BSDC1: variants seen among roughly 807,000 people sequenced by gnomAD.
The protein encoded by BSDC1 is BSD domain containing 1, also known as BSD domain-containing protein 1.
BSDC1 carries 29 observed loss-of-function variants against 56.0 expected under a neutral mutation model. That is an observed-to-expected ratio of 0.52 (90% CI 0.39 to 0.71). The LOEUF is 0.71. Ranked by LOEUF, BSDC1 falls within the 30% of genes least tolerant of loss-of-function variation. The pLI is 0.00. For missense variants in BSDC1, 477 were observed against 548.5 expected (o/e 0.87, Z 1.30); for synonymous variants, 210 against 215.3 (o/e 0.98, Z 0.21).
chr1:32,384,089 T>C, intron 3 of BSDC1, 92 bp from the exon 4 acceptor site: 1 of 1,572,100 alleles, frequency 6.4e-7, no homozygotes, highest in Non-Finnish European at 8.7e-7. Context: ...AGGTGTACCG[T>C]GTGTTGGGGG....
At chr1:32,393,232 C>G (rs1334631525) in intron 2 of BSDC1, among the ~76,000 whole-genome samples, 1 of 152,192 alleles carries the variant, frequency 6.6e-6, no homozygotes, top group African/African-American at 2.4e-5. Flanking sequence ...TGAAATGAAA[C>G]AGGAATACAC....
At chr1:32,370,097 C>A (rs1056605166) in intron 9 of BSDC1, among the ~76,000 whole-genome samples, 15 of 152,246 alleles carry the variant, frequency 9.9e-5, no homozygotes, top group South Asian at 6.2e-4. Flanking sequence ...CCTGCCTCAG[C>A]CTCCTGAGTA....
rs1024435556 is a variant in BSDC1 at position 32,366,385 on chromosome 1, C to T, written c.*237G>A. The T allele has an allele frequency of 1.4e-6, 1 of 695,972 alleles. No homozygotes were observed. The highest frequency in any genetic ancestry group is 2.6e-6 in the Non-Finnish European group (1 of 380,924). 43.1% of individuals were successfully genotyped at this position (695,972 alleles called of 1,614,324 possible). ...TGGTGAGGAGGATAGGTTTCCTCTC[C>T]CTTGGGTCATCCTATTGTTGGCACA... On this transcript the variant is annotated 3_prime_UTR_variant, in exon 11 of 11. Coordinates refer to ENST00000455895, the MANE Select transcript of BSDC1 (RefSeq NM_018045.8).
At chr1:32,381,879 G>A (rs1642486212) in intron 4 of BSDC1, among the ~76,000 whole-genome samples, 3 of 152,180 alleles carry the variant, frequency 2.0e-5, no homozygotes, top group Admixed American at 2.0e-4. Context: ...CTAAGTGGTG[G>A]CGCTAATGCT....
Position 32,387,390 on chromosome 1 carries a change from G to A in BSDC1, c.73-495C>T, listed in dbSNP as rs148105210. On this transcript the variant is annotated intron_variant, in intron 2 of 10. Coordinates refer to ENST00000455895, the MANE Select transcript of BSDC1 (RefSeq NM_018045.8). The stretch of plus-strand genomic sequence containing the variant: ...GAGTCTCGCTCTCGTTGCCCAGGCT[G>A]GAGTGCAATGGCACGATCTCGGCTC... Among the ~76,000 whole-genome samples the A allele has an allele frequency of 2.9e-3, 435 of 151,220 alleles. 2 individuals carry two copies. Among genetic ancestry groups the A allele is most frequent in the African/African-American group, 0.01 (427 of 41,122 alleles).
At chr1:32,381,861 CAT>C (rs1291735781) in intron 4 of BSDC1, among the ~76,000 whole-genome samples, 3 of 152,206 alleles carry the variant, frequency 2.0e-5, no homozygotes, top group Admixed American at 2.0e-4. Flanking sequence ...ATTCCACTCA[CAT>C]GTTCACTAAG....
At chr1:32,384,082 T>TG (rs771796710) in intron 3 of BSDC1, 85 bp from the exon 4 acceptor site, 2 of 1,587,006 alleles carry the variant, frequency 1.3e-6, no homozygotes, top group Admixed American at 1.7e-5. Context: ...GGGGCAAAGG[T>TG]GTACCGTGTG....
intron 2 of BSDC1, among the ~76,000 whole-genome samples, chr1:32,391,752 T>C (rs951941183): frequency 1.3e-5 from 2 of 151,702 alleles, no homozygotes; most frequent in Non-Finnish European, 2.9e-5. Flanking sequence ...TGCTGAGAAG[T>C]GAGTGGTCCA....
intron 1 of BSDC1, 109 bp from the exon 2 acceptor site, chr1:32,394,249 C>T (rs183641644): frequency 0.015 from 23,669 of 1,551,906 alleles, 216 homozygotes; most frequent in Non-Finnish European, 0.019. Flanking sequence ...CTTCGCAGAC[C>T]GCTTGCCCAC....
chr1:32,386,273 G>A (rs1642664978), intron 3 of BSDC1: 1 of 148,522 alleles, frequency 6.7e-6, no homozygotes, highest in African/African-American at 2.5e-5. Flanking sequence ...GAGCCGAGAT[G>A]GCGCCACTGC....
chr1:32,373,569 TG>T (rs2148115729), intron 9 of BSDC1, among the ~76,000 whole-genome samples: 1 of 152,288 alleles, frequency 6.6e-6, no homozygotes, highest in Admixed American at 6.5e-5. Context: ...TCACCCAGGC[TG>T]GAGGGCAGTG....
At chr1:32,367,075 A>AT (rs1316920769) in intron 10 of BSDC1, 5 of 991,794 alleles carry the variant, frequency 5.0e-6, no homozygotes, top group Non-Finnish European at 6.0e-6. Context: ...AATCAAGGGC[A>AT]AGTTACTTAG....
At chr1:32,390,627 C>T (rs1642832459) in intron 2 of BSDC1, among the ~76,000 whole-genome samples, 1 of 152,120 alleles carries the variant, frequency 6.6e-6, no homozygotes, top group Non-Finnish European at 1.5e-5. Flanking sequence ...AACACTAAAG[C>T]TGGCCGGGCA....
chr1:32,386,084 T>C (rs1045659328), intron 3 of BSDC1, among the ~76,000 whole-genome samples: 16 of 151,856 alleles, frequency 1.1e-4, no homozygotes, highest in Admixed American at 5.2e-4. Flanking sequence ...CTTTGGGAGA[T>C]TGAGGTGGGC....
At chr1:32,367,483 C>G in intron 10 of BSDC1, 1 of 985,416 alleles carries the variant, frequency 1.0e-6, no homozygotes, top group Non-Finnish European at 1.2e-6. Flanking sequence ...AAAGGAGGCC[C>G]TTCACATGTC....
intron 8 of BSDC1, among the ~76,000 whole-genome samples, chr1:32,377,401 T>C (rs1022369896): frequency 3.3e-5 from 5 of 152,200 alleles, no homozygotes; most frequent in African/African-American, 1.2e-4. Context: ...ACTCTTAACT[T>C]ACTTTTATCC....
Position 32,394,199 on chromosome 1 carries a change from C to A in BSDC1, c.12-59G>T, listed in dbSNP as rs115917043. 6.6e-3 allele frequency: 10,382 copies of A among 1,583,040 alleles called. 55 individuals are homozygous for A. The highest frequency in any genetic ancestry group is 7.5e-3 in the Non-Finnish European group (8,778 of 1,163,064). On this transcript the variant is annotated intron_variant, in intron 1 of 10. Transcript: ENST00000455895. ...GTGCGATTCCTGCCCGCCCAAGGAT[C>A]CGGTTTGTTCCCCGCTCAGATGTAC... is the stretch of plus-strand genomic sequence containing the variant.
chr1:32,377,087 G>T (rs1366435706), intron 8 of BSDC1, among the ~76,000 whole-genome samples: 2 of 151,986 alleles, frequency 1.3e-5, no homozygotes, highest in Non-Finnish European at 2.9e-5. Context: ...AGTGGGCGGA[G>T]ATTGCGCCAC....
intron 2 of BSDC1, among the ~76,000 whole-genome samples, chr1:32,391,802 A>T (rs1642874410): frequency 6.6e-6 from 1 of 152,200 alleles, no homozygotes; most frequent in Non-Finnish European, 1.5e-5. Context: ...GAAAGCACCA[A>T]AAGACCAAGA....
Sources: allele counts gnomAD v4.1 joint callset (sites outside exome capture counted in the v4.1 genomes callset), GRCh38; gene constraint gnomAD v4.1.1; transcripts MANE v1.5; gene names NCBI Gene and HGNC (gene_info 2026-07-23, HGNC 2026-07-21).